The following CADPS2 variants were observed in gnomAD, a reference collection of about 807,000 sequenced individuals.
CADPS2 encodes the protein calcium-dependent secretion activator 2.
In CADPS2, 93 loss-of-function variants were observed where a neutral mutation model predicts 172.5. The observed-to-expected ratio is 0.54, with a 90% CI of 0.46 to 0.64. CADPS2 has a LOEUF of 0.64. Ranked by LOEUF, CADPS2 falls within the 30% of genes least tolerant of loss-of-function variation. The pLI is 0.00. For missense variants in CADPS2, 1,420 were observed against 1,565.9 expected (o/e 0.91, Z 1.57); for synonymous variants, 546 against 555.2 (o/e 0.98, Z 0.23).
At chr7:122,408,154 ATCT>A (rs1157340145) in intron 19 of CADPS2, among the ~76,000 whole-genome samples, 11 of 151,382 alleles carry the variant, frequency 7.3e-5, no homozygotes, top group Admixed American at 2.6e-4. Context: ...TAATAGCATA[ATCT>A]TCTACTATAA....
intron 15 of CADPS2, among the ~76,000 whole-genome samples, chr7:122,442,643 T>C (rs867848814): frequency 6.6e-6 from 1 of 152,190 alleles, no homozygotes; most frequent in African/African-American, 2.4e-5. Flanking sequence ...TATACAACTA[T>C]TTTTTAATAG....
intron 8 of CADPS2, among the ~76,000 whole-genome samples, chr7:122,546,496 A>G (rs6944720): frequency 0.015 from 2,296 of 152,260 alleles, 58 homozygotes; most frequent in African/African-American, 0.052. Context: ...GCCATGTCCT[A>G]TCCTTTGCTA....
chr7:122,640,061 C>T (rs918682799), intron 3 of CADPS2, among the ~76,000 whole-genome samples: 1 of 152,156 alleles, frequency 6.6e-6, no homozygotes, highest in African/African-American at 2.4e-5. Context: ...CTCCGTACCC[C>T]GATCATTCAT....
At chr7:122,610,095 C>T (rs534459799) in intron 6 of CADPS2, among the ~76,000 whole-genome samples, 73 of 151,478 alleles carry the variant, frequency 4.8e-4, no homozygotes, top group African/African-American at 1.7e-3. Context: ...CACAGAAAGG[C>T]TATTTTAAAT....
At chr7:122,786,728 G>A (rs10487750) in intron 1 of CADPS2, among the ~76,000 whole-genome samples, 32,704 of 151,982 alleles carry the variant, frequency 0.22, 3,769 homozygotes, top group Middle Eastern at 0.31. Flanking sequence ...GAATTGAGTC[G>A]AGGACAATAA....
chr7:122,343,316 T>C (rs543129708), intron 28 of CADPS2, among the ~76,000 whole-genome samples: 1 of 152,322 alleles, frequency 6.6e-6, no homozygotes, highest in South Asian at 2.1e-4. Flanking sequence ...AACAGAATGG[T>C]TGCTTATTAA....
intron 1 of CADPS2, among the ~76,000 whole-genome samples, chr7:122,856,904 T>A (rs1815405811): frequency 6.6e-6 from 1 of 152,228 alleles, no homozygotes; most frequent in Non-Finnish European, 1.5e-5. Flanking sequence ...ATCAGCTCAC[T>A]TGTTCCAGAG....
chr7:122,762,828 C>G (rs1360577527), intron 1 of CADPS2, among the ~76,000 whole-genome samples: 1 of 152,078 alleles, frequency 6.6e-6, no homozygotes, highest in East Asian at 1.9e-4. Context: ...CATCCTGATA[C>G]ACTTCATCAC....
intron 6 of CADPS2, among the ~76,000 whole-genome samples, chr7:122,588,477 T>C (rs2070153948): frequency 6.6e-6 from 1 of 152,018 alleles, no homozygotes; most frequent in South Asian, 2.1e-4. Context: ...TTGCTTGTTG[T>C]CAGGTTTGTC....
intron 1 of CADPS2, among the ~76,000 whole-genome samples, chr7:122,851,434 C>G (rs1813597652): frequency 6.6e-6 from 1 of 152,168 alleles, no homozygotes; most frequent in African/African-American, 2.4e-5. Context: ...GTTCAGCTAT[C>G]AATTATGCTT....
rs147621054 is a variant in CADPS2, at chr7:122,728,950, C to G, written c.453+8005G>C. Among the ~76,000 whole-genome samples, 1,175 of 151,902 alleles carry G rather than the reference C, an allele frequency of 7.7e-3. 11 individuals are homozygous for G. Among genetic ancestry groups the G allele is most frequent in the Non-Finnish European group, 0.012 (829 of 67,834 alleles). On this transcript the variant is annotated intron_variant, in intron 2 of 29. Transcript: ENST00000449022. ...AATTGTTAACTATAGGCACCCTACT[C>G]TGCTATCAAACATTAGAACTTTAAC...
chr7:122,387,016 T>G lies in CADPS2; in HGVS notation c.3312+10A>C, dbSNP rs2043773850. The G allele has an allele frequency of 6.4e-7, 1 of 1,553,212 alleles. No homozygotes were observed. The highest frequency in any genetic ancestry group is 1.4e-5 in the African/African-American group (1 of 73,208). On this transcript the variant is annotated intron_variant, in intron 24 of 29. Transcript: ENST00000449022. ...GTGCTGCCTTTCCCCATGTGGCACA[T>G]TCTACATACCTCTTGTCCTCCATCC...
intron 13 of CADPS2, among the ~76,000 whole-genome samples, chr7:122,472,829 A>T (rs772824892): frequency 4.0e-4 from 61 of 152,262 alleles, no homozygotes; most frequent in Non-Finnish European, 7.4e-4. Context: ...AAATGAATTA[A>T]TGAACTGTTA....
At chr7:122,838,875 T>A (rs1287096846) in intron 1 of CADPS2, among the ~76,000 whole-genome samples, 4 of 152,198 alleles carry the variant, frequency 2.6e-5, no homozygotes, top group Non-Finnish European at 5.9e-5. Context: ...ATAGATTCAA[T>A]GCCCTCCCCA....
In CADPS2 at chr7:122,803,157, A is replaced by C. The variant is rs530592662; in HGVS notation, c.340-66089T>G. On this transcript the variant is annotated intron_variant, in intron 1 of 29. Coordinates refer to ENST00000449022, the MANE Select transcript of CADPS2 (RefSeq NM_017954.11). The stretch of plus-strand genomic sequence containing the variant: ...ACAACATATATAAACTCAGAAAAAA[A>C]CATTCAAAATTATAACCTTGAACTC... Among the ~76,000 whole-genome samples the C allele has an allele frequency of 5.3e-5, 8 of 152,322 alleles. No homozygotes were observed. The East Asian group carries it at 1.2e-3, about 22-fold the overall frequency.
intron 8 of CADPS2, among the ~76,000 whole-genome samples, chr7:122,514,011 T>A (rs1319249512): frequency 6.6e-6 from 1 of 152,168 alleles, no homozygotes; most frequent in East Asian, 1.9e-4. Flanking sequence ...GTAAGCTGAA[T>A]TGAAATGATT....
intron 1 of CADPS2, among the ~76,000 whole-genome samples, chr7:122,820,549 GTT>G (rs1185277617): frequency 5.0e-5 from 5 of 99,794 alleles, no homozygotes; most frequent in African/African-American, 2.2e-4. Context: ...ACTGTTTTTT[GTT>G]TTTTGTTTTT....
intron 2 of CADPS2, among the ~76,000 whole-genome samples, chr7:122,683,543 T>C (rs955398888): frequency 6.6e-6 from 1 of 152,138 alleles, no homozygotes; most frequent in African/African-American, 2.4e-5. Context: ...AACGTGATGT[T>C]TTGATATGTG....
chr7:122,835,303 C>A (rs1355466740), intron 1 of CADPS2, among the ~76,000 whole-genome samples: 1 of 152,108 alleles, frequency 6.6e-6, no homozygotes, highest in African/African-American at 2.4e-5. Flanking sequence ...TCATCAAAGA[C>A]CAAAGGTAGA....
Sources: allele counts gnomAD v4.1 joint callset (sites outside exome capture counted in the v4.1 genomes callset), GRCh38; gene constraint gnomAD v4.1.1; transcripts MANE v1.5; gene names NCBI Gene and HGNC (gene_info 2026-07-23, HGNC 2026-07-21).